GRIA3: variants seen among roughly 807,000 people sequenced by gnomAD.
GRIA3 encodes the protein glutamate receptor 3.
Under a neutral mutation model 63.0 loss-of-function variants are expected in GRIA3, and 3 were observed. The ratio of observed to expected loss-of-function variants is 0.05; its 90% confidence interval spans 0.02 to 0.12. The LOEUF (loss-of-function observed/expected upper bound fraction) is 0.12. Ranked by LOEUF, GRIA3 falls within the 10% of genes least tolerant of loss-of-function variation. The pLI is 1.00. For synonymous variants in GRIA3, 274 were observed against 257.9 expected, an observed-to-expected ratio of 1.06 and a Z score of -0.60; for missense variants, 347 against 700.9, an observed-to-expected ratio of 0.50 and a Z score of 5.70.
At chrX:123,186,122 C>T (rs1927267266) in intron 2 of GRIA3, 132 bp downstream of exon 2, 2 of 554,234 alleles carry the variant, frequency 3.6e-6, no homozygotes, top group Admixed American at 2.5e-5. Flanking sequence ...CTAATCCATC[C>T]GGTTTCATGT....
intron 4 of GRIA3, among the ~76,000 whole-genome samples, chrX:123,338,985 T>C (rs1216502046): frequency 1.8e-5 from 2 of 112,570 alleles, no homozygotes; most frequent in Admixed American, 1.9e-4. Flanking sequence ...ACTGTTTTTA[T>C]GTGTTCCATA....
At chrX:123,464,839 T>C (rs997086224) in intron 12 of GRIA3, 26 bp from the exon 13 acceptor site, 10 of 1,198,895 alleles carry the variant, frequency 8.3e-6, no homozygotes, top group Non-Finnish European at 1.1e-5. Flanking sequence ...CTGGCAGCTC[T>C]AAGAATTCTT....
At chrX:123,367,335 G>C (rs1043989791) in intron 5 of GRIA3, among the ~76,000 whole-genome samples, 1 of 112,056 alleles carries the variant, frequency 8.9e-6, no homozygotes, top group African/African-American at 3.2e-5. Context: ...TGAGGAAATA[G>C]AATTCATGAC....
At chrX:123,472,021 A>ATATATATATATATATATATATATATC (rs2045866231) in intron 13 of GRIA3, among the ~76,000 whole-genome samples, 1 of 79,380 alleles carries the variant, frequency 1.3e-5, no homozygotes. Context: ...ATATATATAT[A>ATATATATATATATATATATATATATC]TGACTATTTG....
At chrX:123,457,435 C>T (rs1489931995) in intron 12 of GRIA3, among the ~76,000 whole-genome samples, 1 of 111,797 alleles carries the variant, frequency 8.9e-6, no homozygotes, top group East Asian at 2.8e-4. Context: ...ATGTACAAGG[C>T]TAGTCCTGTA....
chrX:123,201,032 G>A (rs1927726777), intron 2 of GRIA3, among the ~76,000 whole-genome samples: 1 of 111,632 alleles, frequency 9.0e-6, no homozygotes, highest in African/African-American at 3.3e-5. Context: ...TGACAAATGG[G>A]GGAAATATTA....
At chrX:123,253,641 T>C in intron 3 of GRIA3, 99 bp downstream of exon 3, 1 of 691,939 alleles carries the variant, frequency 1.4e-6, no homozygotes. Flanking sequence ...TAAAATCTAA[T>C]TCTGTTTTAA....
chrX:123,464,407 T>C (rs762151081), intron 12 of GRIA3, among the ~76,000 whole-genome samples: 3 of 111,903 alleles, frequency 2.7e-5, no homozygotes, highest in Non-Finnish European at 3.8e-5. Context: ...ATAATTGATA[T>C]CTCATGCTGG....
At chrX:123,289,435 T>C (rs1160142479) in intron 3 of GRIA3, among the ~76,000 whole-genome samples, 1 of 106,537 alleles carries the variant, frequency 9.4e-6, no homozygotes, top group Non-Finnish European at 1.9e-5. Flanking sequence ...AAAATATATA[T>C]ATATATATAA....
chrX:123,422,707 T>G (rs917667223), intron 11 of GRIA3, among the ~76,000 whole-genome samples: 1 of 112,502 alleles, frequency 8.9e-6, no homozygotes, highest in African/African-American at 3.2e-5. Flanking sequence ...ATGTAAGTTC[T>G]CAATAAATAA....
intron 13 of GRIA3, among the ~76,000 whole-genome samples, chrX:123,467,665 GC>G (rs759097888): frequency 6.2e-5 from 7 of 112,142 alleles, no homozygotes; most frequent in Non-Finnish European, 1.3e-4. Flanking sequence ...TTAAAAAGGA[GC>G]CATGGACTGT....
chrX:123,270,037 C>T (rs182062568), intron 3 of GRIA3, among the ~76,000 whole-genome samples: 2 of 112,401 alleles, frequency 1.8e-5, no homozygotes, highest in East Asian at 2.8e-4. Context: ...AAAAAGCATA[C>T]GTATTTTCTG....
intron 2 of GRIA3, among the ~76,000 whole-genome samples, chrX:123,189,746 A>G (rs745995468): frequency 8.9e-6 from 1 of 112,625 alleles, no homozygotes; most frequent in Admixed American, 9.3e-5. Flanking sequence ...TGGAGGCACA[A>G]TGGTGATGGT....
intron 13 of GRIA3, among the ~76,000 whole-genome samples, chrX:123,476,013 C>A (rs908567056): frequency 4.5e-5 from 5 of 111,411 alleles, no homozygotes; most frequent in Non-Finnish European, 7.5e-5. Context: ...ATAAATCTAC[C>A]TTCTTAGGGT....
At chrX:123,389,688 TTTGTTG>T (rs200693212) in intron 5 of GRIA3, among the ~76,000 whole-genome samples, 9 of 106,842 alleles carry the variant, frequency 8.4e-5, no homozygotes, top group African/African-American at 1.7e-4. Flanking sequence ...TTCTTTTGTT[TTTGTTG>T]TTGTTGTTGT....
At chrX:123,263,508 A>G (rs1241736212) in intron 3 of GRIA3, among the ~76,000 whole-genome samples, 1 of 112,131 alleles carries the variant, frequency 8.9e-6, no homozygotes. Context: ...TCAGGCGAGG[A>G]GGCTGACAGG....
At chrX:123,486,529 C>A (rs1205316214) in intron 15 of GRIA3, among the ~76,000 whole-genome samples, 2 of 112,140 alleles carry the variant, frequency 1.8e-5, no homozygotes, top group Non-Finnish European at 3.8e-5. Flanking sequence ...AGTCTCCAGA[C>A]AAGAAGCAAA....
At chrX:123,463,718 A>AAGAGAAAGAAGAGAG (rs1231431655) in intron 12 of GRIA3, among the ~76,000 whole-genome samples, 1 of 102,223 alleles carries the variant, frequency 9.8e-6, no homozygotes, top group Non-Finnish European at 1.9e-5. Flanking sequence ...GAAAGAAAGA[A>AAGAGAAAGAAGAGAG]AGAAAGAGAA....
At chrX:123,379,551 G>A (rs1434314870) in intron 5 of GRIA3, among the ~76,000 whole-genome samples, 1 of 107,290 alleles carries the variant, frequency 9.3e-6, no homozygotes, top group Middle Eastern at 4.9e-3. Context: ...TAAATCTGTC[G>A]CTAAACTCAG....
Sources: allele counts gnomAD v4.1 joint callset (sites outside exome capture counted in the v4.1 genomes callset), GRCh38; gene constraint gnomAD v4.1.1; transcripts MANE v1.5; gene names NCBI Gene and HGNC (gene_info 2026-07-23, HGNC 2026-07-21).